Variants in TSNAX observed in about 807,000 individuals in gnomAD.
The protein encoded by TSNAX is translin associated factor X.
In TSNAX, 12 loss-of-function variants were observed where a neutral mutation model predicts 33.0. The ratio of observed to expected loss-of-function variants is 0.36; its 90% CI spans 0.23 to 0.59. TSNAX has a LOEUF of 0.59. Ranked by LOEUF, TSNAX falls within the 20% of genes least tolerant of loss-of-function variation. The pLI is 0.74. For missense variants in TSNAX, 267 were observed against 341.3 expected, an observed-to-expected ratio of 0.78 and a Z score of 1.72; for synonymous variants, 110 against 117.2, an observed-to-expected ratio of 0.94 and a Z score of 0.40.
intron 1 of TSNAX, 104 bp from the exon 2 acceptor site, chr1:231,529,151 C>G: frequency 1.1e-5 from 13 of 1,161,384 alleles, no homozygotes; most frequent in Non-Finnish European, 1.6e-5. Context: ...AGGCGAGGGC[C>G]CTGTGGGTAT....
rs922390993 is a variant in TSNAX at position 231,537,512 on chromosome 1, G to A, written c.236+185G>A. 5.3e-5 allele frequency among the ~76,000 whole-genome samples: 8 copies of A among 152,028 alleles called. No individual in the cohort carries two copies. The South Asian group carries it at 1.0e-3, about 20-fold the overall frequency. On this transcript the variant is annotated intron_variant, in intron 3 of 5. Coordinates refer to ENST00000366639, the MANE Select transcript of TSNAX (RefSeq NM_005999.3). ...TCTCAGCACTTTGGGAGGCCAAGGC[G>A]GGCAGATCACTTGAGCTCAGGAGGT... is the stretch of plus-strand genomic sequence containing the variant.
intron 2 of TSNAX, among the ~76,000 whole-genome samples, chr1:231,530,493 G>C (rs1249300785): frequency 6.6e-6 from 1 of 152,110 alleles, no homozygotes; most frequent in Non-Finnish European, 1.5e-5. Flanking sequence ...ATGAGTTTGA[G>C]ACCAGCCTGG....
chr1:231,543,754 G>C (rs1659726474), intron 4 of TSNAX, among the ~76,000 whole-genome samples: 1 of 152,174 alleles, frequency 6.6e-6, no homozygotes, highest in Non-Finnish European at 1.5e-5. Flanking sequence ...GGAAACTGAA[G>C]TGTAAAACAG....
At position 231,565,281 on chromosome 1, in the gene TSNAX, GTTATA is replaced by G. The variant is rs558804743; in HGVS notation, c.*383_*387del. 1.8e-3 allele frequency: 300 copies of G among 164,632 alleles called. 2 individuals are homozygous for G. Among genetic ancestry groups the G allele is most frequent in the African/African-American group, 5.6e-3 (233 of 41,672 alleles). The allele number at this position is 164,632 out of a possible 1,614,324, so 10.2% of individuals were successfully genotyped here. Reference sequence around the variant, plus strand: ...AAGCAATTTGTAATTTAAGTTGGTAGTTATATTATATATAGAAAAGATTTTTTAGT... The same window carrying G: ...AAGCAATTTGTAATTTAAGTTGGTAGTTATATATAGAAAAGATTTTTTAGT... On this transcript the variant is annotated 3_prime_UTR_variant, in exon 6 of 6. Transcript: ENST00000366639.
In TSNAX at chr1:231,564,533, C is replaced by T; in HGVS notation, c.501C>T (p.Ser167=). ...EDNGKENKTP[S]SDAQDKQFGT... ...TTGTTTTGTTTTTTTACCAGCCCTC[C>T]TCTGATGCACAGGATAAGCAGTTTG... The change falls in exon 6 of 6, where the codon TCC becomes TCT. Residue 167 remains serine (S), a synonymous_variant. Coordinates refer to ENST00000366639, the MANE Select transcript of TSNAX (RefSeq NM_005999.3). 2 of 1,610,052 alleles carry T rather than the reference C, an allele frequency of 1.2e-6. No individual in the cohort carries two copies. The highest frequency in any genetic ancestry group is 1.7e-6 in the Non-Finnish European group (2 of 1,176,860).
intron 3 of TSNAX, among the ~76,000 whole-genome samples, chr1:231,538,748 T>C (rs948300368): frequency 2.0e-5 from 3 of 152,114 alleles, no homozygotes; most frequent in Non-Finnish European, 4.4e-5. Context: ...ATGGGCAACA[T>C]GGCAAAACCC....
intron 4 of TSNAX, among the ~76,000 whole-genome samples, chr1:231,545,181 T>A (rs1232549572): frequency 6.6e-6 from 1 of 152,232 alleles, no homozygotes; most frequent in Non-Finnish European, 1.5e-5. Context: ...TATAATTGGA[T>A]TAGCATTAAC....
chr1:231,556,309 G>T (rs1660689650), intron 4 of TSNAX, among the ~76,000 whole-genome samples: 1 of 152,148 alleles, frequency 6.6e-6, no homozygotes, highest in Non-Finnish European at 1.5e-5. Context: ...CCATGATCTT[G>T]ATGGTACTTT....
intron 4 of TSNAX, among the ~76,000 whole-genome samples, chr1:231,545,903 C>T (rs566386208): frequency 9.9e-5 from 15 of 152,262 alleles, no homozygotes; most frequent in Middle Eastern, 3.4e-3. Flanking sequence ...AAGTTATGCT[C>T]AGGGTCATAA....
intron 4 of TSNAX, among the ~76,000 whole-genome samples, chr1:231,560,416 C>A (rs529235187): frequency 9.3e-5 from 10 of 107,264 alleles, no homozygotes; most frequent in East Asian, 3.1e-4. Flanking sequence ...TCCCCCCCCC[C>A]CCTTTTTTTT....
chr1:231,542,246 T>G (rs1558125156), intron 3 of TSNAX, among the ~76,000 whole-genome samples: 1 of 152,204 alleles, frequency 6.6e-6, no homozygotes, highest in Non-Finnish European at 1.5e-5. Flanking sequence ...TATATCATAT[T>G]TTTATGAACA....
At chr1:231,540,951 A>ATT (rs1659534746) in intron 3 of TSNAX, among the ~76,000 whole-genome samples, 1 of 152,062 alleles carries the variant, frequency 6.6e-6, no homozygotes, top group Admixed American at 6.6e-5. Context: ...TGTTATTAGA[A>ATT]CGTATATCTT....
Position 231,542,398 on chromosome 1 carries a change from C to T in TSNAX, c.237-83C>T, listed in dbSNP as rs777685541. Reference sequence around the variant, plus strand: ...GTATATGAATGCATACAATATTTAGCCCTATGTTGATAATTAGGTTATTTT... The same window carrying T: ...GTATATGAATGCATACAATATTTAGTCCTATGTTGATAATTAGGTTATTTT... On this transcript the variant is annotated intron_variant, in intron 3 of 5. Coordinates refer to ENST00000366639, the MANE Select transcript of TSNAX (RefSeq NM_005999.3). The T allele has an allele frequency of 2.8e-6, 4 of 1,440,778 alleles. No individual in the cohort carries two copies. The African/African-American group carries it at 4.2e-5, about 15-fold the overall frequency. 89.2% of individuals were successfully genotyped at this position (1,440,778 alleles called of 1,614,324 possible).
Position 231,564,694 on chromosome 1 carries a change from T to TA in TSNAX, c.663dup (p.Arg222ThrfsTer5). 6.2e-7 allele frequency: 1 copy of TA among 1,614,174 alleles called. No individual in the cohort carries two copies. The highest frequency in any genetic ancestry group is 8.5e-7 in the Non-Finnish European group (1 of 1,180,034). On this transcript the variant is annotated frameshift_variant, in exon 6 of 6. Transcript: ENST00000366639. LOFTEE classifies it high-confidence loss of function. ...ACCCCCTTTGAAGTGAGCCAGTTTTTACGTCAGGTTTATGATGGGTTTTCA... is the reference window on the plus strand; with the variant it reads ...ACCCCCTTTGAAGTGAGCCAGTTTTTAACGTCAGGTTTATGATGGGTTTTCA...
At chr1:231,543,171 C>G (rs890741049) in intron 4 of TSNAX, among the ~76,000 whole-genome samples, 1 of 150,978 alleles carries the variant, frequency 6.6e-6, no homozygotes, top group Non-Finnish European at 1.5e-5. Context: ...GCACAAGACT[C>G]CGTCTCAAAA....
chr1:231,554,041 T>C (rs1370785875), intron 4 of TSNAX, among the ~76,000 whole-genome samples: 4 of 152,224 alleles, frequency 2.6e-5, no homozygotes, highest in Non-Finnish European at 5.9e-5. Context: ...GAAGTAACTT[T>C]TGTTAACACA....
chr1:231,539,974 C>T (rs751515977), intron 3 of TSNAX, among the ~76,000 whole-genome samples: 9 of 152,116 alleles, frequency 5.9e-5, no homozygotes, highest in Non-Finnish European at 1.0e-4. Flanking sequence ...CACTTGAGGT[C>T]AGGAGTTTGA....
intron 4 of TSNAX, among the ~76,000 whole-genome samples, chr1:231,551,373 A>G (rs370353265): frequency 4.1e-4 from 63 of 152,310 alleles, no homozygotes; most frequent in African/African-American, 1.2e-3. Context: ...TTATGTTTTA[A>G]TATTCCATAT....
intron 2 of TSNAX, chr1:231,534,877 T>C (rs1299631226): frequency 6.6e-6 from 1 of 152,176 alleles, no homozygotes; most frequent in Non-Finnish European, 1.5e-5. Context: ...ATAAATAATA[T>C]AATTTTAGCT....
Sources: allele counts gnomAD v4.1 joint callset (sites outside exome capture counted in the v4.1 genomes callset), GRCh38; gene constraint gnomAD v4.1.1; transcripts MANE v1.5; gene names NCBI Gene and HGNC (gene_info 2026-07-23, HGNC 2026-07-21).